Variants in SAMSN1 observed in about 807,000 individuals in gnomAD.
SAMSN1 encodes SAM domain-containing protein SAMSN-1.
In SAMSN1, 31 loss-of-function variants were observed where a neutral mutation model predicts 42.0. The observed-to-expected ratio is 0.74, with a 90% CI of 0.55 to 1.00. The LOEUF is 1.00. Among genes scored for constraint, SAMSN1 ranks in the 50% least tolerant of loss-of-function variants. The pLI is 0.00. For synonymous variants in SAMSN1, 178 were observed against 151.9 expected (o/e 1.17, Z -1.26); for missense variants, 464 against 439.4 (o/e 1.06, Z -0.50).
chr21:14,511,802 A>G (rs934967702), intron 4 of SAMSN1, among the ~76,000 whole-genome samples: 1 of 152,218 alleles, frequency 6.6e-6, no homozygotes, highest in Admixed American at 6.5e-5. Flanking sequence ...ATTAATCTTC[A>G]TTAGAAAATC....
At chr21:14,529,159 C>T (rs1979074666) in intron 1 of SAMSN1, among the ~76,000 whole-genome samples, 1 of 152,212 alleles carries the variant, frequency 6.6e-6, no homozygotes. Context: ...TTTGCTCCTA[C>T]TGTTTTTTAT....
At chr21:14,527,466 C>T (rs142768692) in intron 1 of SAMSN1, among the ~76,000 whole-genome samples, 77 of 152,238 alleles carry the variant, frequency 5.1e-4, no homozygotes, top group Non-Finnish European at 8.4e-4. Context: ...CACGTTTTAT[C>T]CAGGGATAAA....
intron 2 of SAMSN1, among the ~76,000 whole-genome samples, chr21:14,619,430 A>G (rs1039791680): frequency 5.3e-5 from 8 of 152,224 alleles, no homozygotes; most frequent in Non-Finnish European, 1.0e-4. Flanking sequence ...GAAAATGAAA[A>G]AATTGAGGCT....
At chr21:14,490,346 G>A (rs1275071126) in intron 7 of SAMSN1, among the ~76,000 whole-genome samples, 1 of 152,134 alleles carries the variant, frequency 6.6e-6, no homozygotes, top group Non-Finnish European at 1.5e-5. Context: ...TCATCCTCCT[G>A]TTTTTCTCTA....
rs139298499 is a variant in SAMSN1 at position 14,626,159 on chromosome 21, C to A, written c.157-10143G>T. ...TGGATTAAAGACTTACATGTCAGAC[C>A]TAAAACCATAAAAACCCTAGAAGAA... On this transcript the variant is annotated intron_variant, in intron 2 of 15. Coordinates refer to the SAMSN1 transcript ENST00000647101. Among the ~76,000 whole-genome samples, 764 of 152,246 alleles carry A rather than the reference C, an allele frequency of 5.0e-3. 5 individuals carry two copies. Among genetic ancestry groups the A allele is most frequent in the African/African-American group, 0.014 (571 of 41,536 alleles).
chr21:14,549,646 A>C (rs1980534974), upstream of SAMSN1, among the ~76,000 whole-genome samples: 1 of 152,172 alleles, frequency 6.6e-6, no homozygotes, highest in Non-Finnish European at 1.5e-5. Flanking sequence ...GGTTGTCATC[A>C]CAGAACCCAA....
In SAMSN1 at chr21:14,577,355, C is replaced by T. The variant is rs140383981; in HGVS notation, c.261+4781G>A. Among the ~76,000 whole-genome samples, 62 of 142,848 alleles carry T rather than the reference C, an allele frequency of 4.3e-4. 1 individual carries two copies. In the East Asian group the frequency reaches 8.2e-3, roughly 19 times the overall value. The allele number at this position is 142,848 out of a possible 152,430, so 93.7% of individuals were successfully genotyped here. ...GTCTCGATCTCCTGACCTCATGATC[C>T]GCCTGCCTCAGCCTCCCAAAGTGCT... On this transcript the variant is annotated intron_variant, in intron 2 of 8. Transcript: ENST00000285670.
At chr21:14,501,875 A>T (rs1293264371) in intron 5 of SAMSN1, among the ~76,000 whole-genome samples, 2 of 152,206 alleles carry the variant, frequency 1.3e-5, no homozygotes, top group African/African-American at 4.8e-5. Context: ...CTTTACTCAC[A>T]TCTAAGACCA....
At chr21:14,488,515 C>G (rs1986540227) in intron 7 of SAMSN1, among the ~76,000 whole-genome samples, 1 of 152,116 alleles carries the variant, frequency 6.6e-6, no homozygotes, top group Non-Finnish European at 1.5e-5. Flanking sequence ...TCAGAAGCCT[C>G]TGTGCATTCA....
At chr21:14,637,162 T>TTAA (rs755716749) in intron 2 of SAMSN1, among the ~76,000 whole-genome samples, 27 of 152,344 alleles carry the variant, frequency 1.8e-4, no homozygotes, top group Non-Finnish European at 3.1e-4. Context: ...GAAGTGAATT[T>TTAA]TAATTTAATT....
intron 5 of SAMSN1, 89 bp downstream of exon 5, chr21:14,510,219 ACT>A (rs1348298811): frequency 1.6e-6 from 2 of 1,223,438 alleles, no homozygotes; most frequent in Non-Finnish European, 1.2e-6. Context: ...ACACACTCAC[ACT>A]GTCTTCCCAC....
intron 1 of SAMSN1, among the ~76,000 whole-genome samples, chr21:14,646,910 A>G (rs1301087456): frequency 6.6e-6 from 1 of 152,234 alleles, no homozygotes; most frequent in African/African-American, 2.4e-5. Context: ...CAAAAAACAT[A>G]CAATGAATAT....
chr21:14,623,748 A>G (rs1983083166), intron 2 of SAMSN1, among the ~76,000 whole-genome samples: 2 of 152,144 alleles, frequency 1.3e-5, no homozygotes, highest in African/African-American at 4.8e-5. Flanking sequence ...ATATCCAGGA[A>G]TTGAACTCAG....
chr21:14,636,804 C>T (rs1159044667), intron 2 of SAMSN1, among the ~76,000 whole-genome samples: 2 of 151,998 alleles, frequency 1.3e-5, no homozygotes, highest in African/African-American at 2.4e-5. Context: ...GTGGAGCTTG[C>T]AGTGAGCCAA....
rs1246628183 is a variant in SAMSN1 at position 14,487,323 on chromosome 21, TCTA to T, written c.920-1212_920-1210del. On this transcript the variant is annotated intron_variant, in intron 7 of 7. Coordinates refer to ENST00000400566, the MANE Select transcript of SAMSN1 (RefSeq NM_022136.5). ...TGCTAATTAATTTATATCTAGGAAA[TCTA>T]CTCTTTATCTTATTTATTTTTTATA... 1.6e-4 allele frequency among the ~76,000 whole-genome samples: 24 copies of T among 151,734 alleles called. 1 individual carries two copies. The highest frequency in any genetic ancestry group is 6.6e-4 in the Admixed American group (10 of 15,234).
intron 7 of SAMSN1, among the ~76,000 whole-genome samples, chr21:14,593,525 G>A (rs1220166511): frequency 6.6e-6 from 1 of 152,014 alleles, no homozygotes; most frequent in Non-Finnish European, 1.5e-5. Flanking sequence ...GGGAGAGCTG[G>A]CACACAGAGA....
chr21:14,525,286 A>C (rs1282996775), intron 1 of SAMSN1, among the ~76,000 whole-genome samples: 1 of 152,198 alleles, frequency 6.6e-6, no homozygotes, highest in Non-Finnish European at 1.5e-5. Flanking sequence ...GCAAGAAAGC[A>C]ATCACACCAA....
intron 2 of SAMSN1, among the ~76,000 whole-genome samples, chr21:14,575,561 T>C (rs1314613346): frequency 1.3e-5 from 2 of 152,220 alleles, no homozygotes; most frequent in Non-Finnish European, 2.9e-5. Flanking sequence ...TTTAAAGCTG[T>C]TCCAACAACT....
chr21:14,599,906 C>T (rs1002704893), intron 6 of SAMSN1, among the ~76,000 whole-genome samples: 5 of 151,916 alleles, frequency 3.3e-5, no homozygotes, highest in Non-Finnish European at 7.4e-5. Context: ...ATTATTGCAA[C>T]ACAAAATGGA....
Sources: allele counts gnomAD v4.1 joint callset (sites outside exome capture counted in the v4.1 genomes callset), GRCh38; gene constraint gnomAD v4.1.1; transcripts MANE v1.5; gene names NCBI Gene and HGNC (gene_info 2026-07-23, HGNC 2026-07-21).